The following THTPA variants were observed in gnomAD, a reference collection of about 807,000 sequenced individuals.
The protein encoded by THTPA is thiamine-triphosphatase.
Under a neutral mutation model 16.5 loss-of-function variants are expected in THTPA, and 16 were observed. That is an observed-to-expected ratio of 0.97 (90% CI 0.66 to 1.47). The LOEUF (loss-of-function observed/expected upper bound fraction) is 1.47, where lower values mean the gene tolerates loss of function less well. THTPA is among the 40% of genes most tolerant of loss of function. The pLI is 0.00. For synonymous variants in THTPA, 110 were observed against 115.5 expected (o/e 0.95, Z 0.30); for missense variants, 281 against 280.9 (o/e 1.00, Z 0.00).
the THTPA span, chr14:23,520,907 G>C: frequency 1.3e-5 from 2 of 150,000 alleles, no homozygotes; most frequent in African/African-American, 2.5e-5. The surrounding 1 kb of genome is among the most constrained non-coding windows in gnomAD (Gnocchi z 8.7). Flanking sequence ...CCAAGTTTAC[G>C]TTTTTCTTTA....
chr14:23,523,792 A>G, the THTPA span: 3 of 1,536,050 alleles, frequency 2.0e-6, no homozygotes, highest in East Asian at 7.3e-5. This position sits in a 1 kb window ranked among gnomAD's most constrained non-coding sequence, Gnocchi z 4.1. Context: ...CAGGTCCCCC[A>G]CTGGTCCCTC....
chr14:23,530,327 G>A, the THTPA span: 1 of 749,656 alleles, frequency 1.3e-6, no homozygotes, highest in Non-Finnish European at 2.3e-6. Flanking sequence ...AGGTAGGAGA[G>A]TATGAAAAGC....
chr14:23,558,672 C>T, intron 1 of THTPA, 23 bp from the exon 2 acceptor site: 5 of 1,613,946 alleles, frequency 3.1e-6, no homozygotes, highest in Non-Finnish European at 3.4e-6. Context: ...CCATTTCTCT[C>T]CTCATTGTCC....
chr14:23,539,047 CCT>C, the THTPA span, among the ~76,000 whole-genome samples: 1 of 152,040 alleles, frequency 6.6e-6, no homozygotes, highest in Non-Finnish European at 1.5e-5. Context: ...GTAGTCATCC[CCT>C]GAGATGAATC....
At chr14:23,523,761 C>G in the THTPA span, 1 of 1,536,232 alleles carries the variant, frequency 6.5e-7, no homozygotes. This position sits in a 1 kb window ranked among gnomAD's most constrained non-coding sequence, Gnocchi z 4.1. Context: ...CCCATTCCAT[C>G]TGGAACCCCA....
chr14:23,523,544 G>T, the THTPA span: 5,526 of 1,536,910 alleles, frequency 3.6e-3, 89 homozygotes, highest in African/African-American at 0.044. This position sits in a 1 kb window ranked among gnomAD's most constrained non-coding sequence, Gnocchi z 4.1. Context: ...GCTGCCCCCA[G>T]TGCTCCCAGC....
chr14:23,529,642 A>G, the THTPA span: 2 of 1,403,120 alleles, frequency 1.4e-6, no homozygotes, highest in East Asian at 2.5e-5. Context: ...GTCTGCCTTT[A>G]GAATATGAGC....
At chr14:23,552,594 C>T (rs148087533), upstream of THTPA, among the ~76,000 whole-genome samples, 5 of 151,316 alleles carry the variant, frequency 3.3e-5, no homozygotes, top group East Asian at 5.8e-4. Flanking sequence ...GCGCCCAGCC[C>T]GTTTTTTTGT....
At chr14:23,528,369 T>A in the THTPA span, among the ~76,000 whole-genome samples, 1 of 152,142 alleles carries the variant, frequency 6.6e-6, no homozygotes, top group African/African-American at 2.4e-5. Flanking sequence ...TGTCTGGCCC[T>A]CTTCCACCAT....
the THTPA span, chr14:23,535,288 G>T: frequency 4.7e-6 from 7 of 1,477,336 alleles, no homozygotes; most frequent in South Asian, 9.3e-5. This position sits in a 1 kb window ranked among gnomAD's most constrained non-coding sequence, Gnocchi z 4.5. Context: ...AGGGGAGGGG[G>T]TGGTACCAGT....
chr14:23,522,858 G>A, the THTPA span: 31 of 1,525,156 alleles, frequency 2.0e-5, no homozygotes, highest in East Asian at 2.4e-5. Flanking sequence ...GGTAAGGGGC[G>A]GCCTGGGCCA....
chr14:23,527,906 T>C, the THTPA span: 8 of 901,146 alleles, frequency 8.9e-6, no homozygotes, highest in Non-Finnish European at 1.3e-5. Flanking sequence ...CACTCCTTTT[T>C]TTTTTTTTTT....
chr14:23,537,836 G>T, the THTPA span, among the ~76,000 whole-genome samples: 3 of 152,150 alleles, frequency 2.0e-5, no homozygotes, highest in African/African-American at 7.2e-5. Flanking sequence ...TCACCCACAG[G>T]GTGGGCCACA....
chr14:23,532,044 G>A, the THTPA span: 8 of 197,074 alleles, frequency 4.1e-5, no homozygotes, highest in Admixed American at 1.8e-4. Context: ...CCAAAGTGCC[G>A]GGACTACAGG....
At chr14:23,520,705 A>ATCGGCCCT in the THTPA span, 2 of 149,930 alleles carry the variant, frequency 1.3e-5, no homozygotes, top group African/African-American at 4.9e-5. This position sits in a 1 kb window ranked among gnomAD's most constrained non-coding sequence, Gnocchi z 8.7. Flanking sequence ...CTGCACCGGC[A>ATCGGCCCT]TCGGCCCTTC....
the THTPA span, chr14:23,531,315 G>T: frequency 9.4e-7 from 1 of 1,062,464 alleles, no homozygotes; most frequent in East Asian, 3.2e-5. Flanking sequence ...CACAGTGCCT[G>T]ACACGCTCAT....
the THTPA span, chr14:23,535,134 G>A: frequency 6.5e-7 from 1 of 1,536,138 alleles, no homozygotes; most frequent in Admixed American, 2.0e-5. The surrounding 1 kb of genome is among the most constrained non-coding windows in gnomAD (Gnocchi z 4.5). Flanking sequence ...CGAGGCCACA[G>A]CCCGACTCCA....
At chr14:23,522,998 C>T in the THTPA span, 1 of 1,423,106 alleles carries the variant, frequency 7.0e-7, no homozygotes, top group Non-Finnish European at 9.2e-7. Flanking sequence ...ATCATTCTTC[C>T]TGCCATAGGC....
the THTPA span, chr14:23,538,191 T>A: frequency 7.9e-5 from 12 of 152,308 alleles, no homozygotes; most frequent in African/African-American, 2.4e-4. Context: ...GAGACTCTGA[T>A]CGGCCGAGGG....
Sources: allele counts gnomAD v4.1 joint callset (sites outside exome capture counted in the v4.1 genomes callset), GRCh38; gene constraint gnomAD v4.1.1; non-coding constraint Gnocchi (gnomAD v3.1); transcripts MANE v1.5; gene names NCBI Gene and HGNC (gene_info 2026-07-23, HGNC 2026-07-21).